SPOCK1: variants seen among roughly 807,000 people sequenced by gnomAD.
The protein encoded by SPOCK1 is SPARC (osteonectin), cwcv and kazal like domains proteoglycan 1, also known as testican-1.
Under a neutral mutation model 55.3 loss-of-function variants are expected in SPOCK1, and 23 were observed. The observed-to-expected ratio is 0.42, with a 90% CI of 0.30 to 0.59. The LOEUF (loss-of-function observed/expected upper bound fraction) is 0.59. Among genes scored for constraint, SPOCK1 ranks in the 20% least tolerant of loss-of-function variants. SPOCK1 has a pLI of 0.22. For synonymous variants in SPOCK1, 226 were observed against 221.0 expected, an observed-to-expected ratio of 1.02 and a Z score of -0.20; for missense variants, 499 against 552.5, an observed-to-expected ratio of 0.90 and a Z score of 0.97.
chr5:137,091,863 G>C (rs1485190318), intron 5 of SPOCK1, among the ~76,000 whole-genome samples: 1 of 152,130 alleles, frequency 6.6e-6, no homozygotes, highest in Non-Finnish European at 1.5e-5. Flanking sequence ...TGCTCTTACA[G>C]ATTCTTTATA....
intron 6 of SPOCK1, among the ~76,000 whole-genome samples, chr5:137,034,279 G>A (rs958193488): frequency 8.5e-5 from 13 of 152,198 alleles, no homozygotes; most frequent in African/African-American, 3.1e-4. Flanking sequence ...CGAGTACCAT[G>A]TACAGTGCCG....
rs1580732490 is a variant in SPOCK1, at chr5:137,065,360, C to T, written c.589+2355G>A. Among the ~76,000 whole-genome samples, 3 of 152,142 alleles carry T rather than the reference C, an allele frequency of 2.0e-5. No individual in the cohort carries two copies. In the East Asian group the frequency reaches 5.8e-4, roughly 29 times the overall value. ...CCACCAACAGGTAGCTTCTGCTTCC[C>T]CTCATGCTTACGTGAAAACTTTGCT... On this transcript the variant is annotated intron_variant, in intron 6 of 10. Transcript: ENST00000394945.
At chr5:137,341,164 T>C (rs1750415279) in intron 2 of SPOCK1, among the ~76,000 whole-genome samples, 1 of 152,250 alleles carries the variant, frequency 6.6e-6, no homozygotes, top group African/African-American at 2.4e-5. Flanking sequence ...ACTTCAAGCA[T>C]TATGTTCTGC....
intron 6 of SPOCK1, among the ~76,000 whole-genome samples, chr5:137,012,223 G>A (rs1307547200): frequency 6.6e-6 from 1 of 152,112 alleles, no homozygotes; most frequent in South Asian, 2.1e-4. Flanking sequence ...TCTAAGTCAA[G>A]GAGCTAATAA....
chr5:137,291,932 G>A (rs1216556784), intron 2 of SPOCK1, among the ~76,000 whole-genome samples: 1 of 152,180 alleles, frequency 6.6e-6, no homozygotes, highest in East Asian at 1.9e-4. Context: ...CAGAGAGAAA[G>A]GGTTCTCTCT....
rs148177229 is a variant in SPOCK1 at position 137,426,152 on chromosome 5, G to C, written c.186+72221C>G. Among the ~76,000 whole-genome samples the C allele has an allele frequency of 4.5e-3, 688 of 152,240 alleles. 4 individuals are homozygous for C. The highest frequency in any genetic ancestry group is 0.016 in the African/African-American group (657 of 41,526). On this transcript the variant is annotated intron_variant, in intron 2 of 10. Coordinates refer to ENST00000394945, the MANE Select transcript of SPOCK1 (RefSeq NM_004598.4). ...AAAATAGACATGACAAGAGTACCTG[G>C]CTTATAAAGTACTGCACAGTTCATA...
intron 3 of SPOCK1, among the ~76,000 whole-genome samples, chr5:137,226,015 C>A (rs1755940495): frequency 6.6e-6 from 1 of 152,156 alleles, no homozygotes. Context: ...GTTGGGCTGA[C>A]CCAAGGCCAC....
chr5:137,016,131 G>A (rs17521322), intron 6 of SPOCK1, among the ~76,000 whole-genome samples: 4,255 of 152,186 alleles, frequency 0.028, 85 homozygotes, highest in Non-Finnish European at 0.042. Flanking sequence ...AAAAAAGGCC[G>A]CTTTTCATCG....
At position 137,410,379 on chromosome 5, in the gene SPOCK1, C is replaced by A. The variant is rs188491946; in HGVS notation, c.186+87994G>T. ...TGATCAAGATGTTAAGGGGAACCAG[C>A]CCTTGGAAACTGATGACCATGTAGG... On this transcript the variant is annotated intron_variant, in intron 2 of 10. Transcript: ENST00000394945. 2.6e-5 allele frequency among the ~76,000 whole-genome samples: 4 copies of A among 152,272 alleles called. No individual in the cohort carries two copies. In the East Asian group the frequency reaches 7.7e-4, roughly 29 times the overall value.
At chr5:137,168,847 T>C (rs1754697002) in intron 3 of SPOCK1, among the ~76,000 whole-genome samples, 1 of 152,132 alleles carries the variant, frequency 6.6e-6, no homozygotes, top group African/African-American at 2.4e-5. Context: ...CAATTCTACT[T>C]CTAGGTATAT....
intron 3 of SPOCK1, among the ~76,000 whole-genome samples, chr5:137,206,984 CCA>C (rs1287696501): frequency 6.6e-6 from 1 of 152,188 alleles, no homozygotes; most frequent in Non-Finnish European, 1.5e-5. Flanking sequence ...ACATGCTGAA[CCA>C]CAGAGGCACC....
chr5:137,003,825 G>T (rs996610192), intron 6 of SPOCK1, among the ~76,000 whole-genome samples: 2 of 152,196 alleles, frequency 1.3e-5, no homozygotes, highest in Non-Finnish European at 2.9e-5. Flanking sequence ...GACCAAGCCT[G>T]GGATTTGAGA....
intron 2 of SPOCK1, among the ~76,000 whole-genome samples, chr5:137,465,306 AAGCTGCCAAAATCATGAC>A (rs1211231191): frequency 6.6e-6 from 1 of 152,200 alleles, no homozygotes; most frequent in Non-Finnish European, 1.5e-5. Context: ...TAACATCAGA[AAGCTGCCAAAATCATGAC>A]AGCTTTAAAA....
intron 5 of SPOCK1, among the ~76,000 whole-genome samples, chr5:137,079,222 G>A (rs1359604516): frequency 6.6e-6 from 1 of 152,186 alleles, no homozygotes; most frequent in Non-Finnish European, 1.5e-5. Flanking sequence ...TGAGTTCCAT[G>A]AGGACTAGGT....
At chr5:137,456,503 T>C (rs1313977396) in intron 2 of SPOCK1, among the ~76,000 whole-genome samples, 2 of 152,202 alleles carry the variant, frequency 1.3e-5, no homozygotes, top group Non-Finnish European at 2.9e-5. Context: ...TGATCCCAGA[T>C]TGTATATTTA....
intron 3 of SPOCK1, among the ~76,000 whole-genome samples, chr5:137,262,946 C>T (rs1388868798): frequency 6.6e-6 from 1 of 152,216 alleles, no homozygotes; most frequent in Non-Finnish European, 1.5e-5. Context: ...TTCATCTTCT[C>T]AGTGCTATTG....
At chr5:137,458,149 C>T (rs1313100060) in intron 2 of SPOCK1, among the ~76,000 whole-genome samples, 4 of 152,126 alleles carry the variant, frequency 2.6e-5, no homozygotes, top group Non-Finnish European at 5.9e-5. Flanking sequence ...ATGGGAGAGA[C>T]GACCTGGTGA....
rs75590206 is a variant in SPOCK1, at chr5:137,395,787, C to A, written c.186+102586G>T. ...TTGAGAGGTGAGGAGGTAAGCTCAG[C>A]GGGCCAATCCAAAGCATGCTGTTTA... is the stretch of plus-strand genomic sequence containing the variant. On this transcript the variant is annotated intron_variant, in intron 2 of 10. Coordinates refer to ENST00000394945, the MANE Select transcript of SPOCK1 (RefSeq NM_004598.4). 4.7e-3 allele frequency among the ~76,000 whole-genome samples: 710 copies of A among 152,272 alleles called. 8 individuals carry two copies. The highest frequency in any genetic ancestry group is 0.016 in the African/African-American group (663 of 41,546).
chr5:137,400,656 T>A (rs901603047), intron 2 of SPOCK1, among the ~76,000 whole-genome samples: 3 of 152,308 alleles, frequency 2.0e-5, no homozygotes, highest in Non-Finnish European at 4.4e-5. Context: ...ACTGTGGCAG[T>A]GTGGTCAGCA....
Sources: gnomAD v4.1 joint callset for allele counts (sites outside exome capture counted in the v4.1 genomes callset) on GRCh38, gnomAD v4.1.1 for gene constraint, MANE v1.5 for transcripts, NCBI Gene and HGNC (gene_info 2026-07-23, HGNC 2026-07-21) for gene names.